The following HEMK2 variants were observed in gnomAD, a reference collection of about 807,000 sequenced individuals.
The protein encoded by HEMK2 is methyltransferase HEMK2.
At chr21:28,625,583 T>G in the HEMK2 span, among the ~76,000 whole-genome samples, 4 of 151,978 alleles carry the variant, frequency 2.6e-5, no homozygotes, top group African/African-American at 7.2e-5. Flanking sequence ...TGGTGGTGCA[T>G]GCCTGTAATC....
chr21:28,600,461 G>A, the HEMK2 span, among the ~76,000 whole-genome samples: 1 of 152,222 alleles, frequency 6.6e-6, no homozygotes, highest in Non-Finnish European at 1.5e-5. Context: ...TCCCTAGGCT[G>A]CACACAGCAG....
the HEMK2 span, among the ~76,000 whole-genome samples, chr21:28,646,618 G>A: frequency 6.6e-6 from 1 of 152,148 alleles, no homozygotes. Flanking sequence ...GGCCTTATTT[G>A]GTATTTTTCA....
the HEMK2 span, among the ~76,000 whole-genome samples, chr21:28,745,148 C>T: frequency 6.6e-6 from 1 of 152,112 alleles, no homozygotes; most frequent in African/African-American, 2.4e-5. Flanking sequence ...ATGACTGCTG[C>T]GAGTGGGAAG....
At chr21:28,717,393 T>C in the HEMK2 span, among the ~76,000 whole-genome samples, 3 of 152,150 alleles carry the variant, frequency 2.0e-5, no homozygotes, top group Non-Finnish European at 4.4e-5. Flanking sequence ...TCCTCTAGAT[T>C]TTCTAGTTTG....
chr21:28,734,953 A>T, the HEMK2 span, among the ~76,000 whole-genome samples: 111 of 152,230 alleles, frequency 7.3e-4, no homozygotes, highest in Non-Finnish European at 1.5e-3. Flanking sequence ...ACTCGGCTGA[A>T]CTCCCTCAGG....
At chr21:28,610,736 C>A in the HEMK2 span, among the ~76,000 whole-genome samples, 4 of 152,054 alleles carry the variant, frequency 2.6e-5, no homozygotes, top group African/African-American at 7.2e-5. Context: ...CAAAAGAGAG[C>A]AGAAGTAGCT....
chr21:28,840,151 T>C, the HEMK2 span, among the ~76,000 whole-genome samples: 1 of 152,250 alleles, frequency 6.6e-6, no homozygotes, highest in African/African-American at 2.4e-5. Flanking sequence ...GCTGGGATAA[T>C]TGCCTAGCCA....
the HEMK2 span, among the ~76,000 whole-genome samples, chr21:28,855,033 A>G: frequency 2.0e-5 from 3 of 152,220 alleles, no homozygotes; most frequent in African/African-American, 4.8e-5. Flanking sequence ...CTTGAATGTA[A>G]ATGGGCTAAA....
the HEMK2 span, among the ~76,000 whole-genome samples, chr21:28,683,357 T>G: frequency 6.6e-6 from 1 of 152,164 alleles, no homozygotes; most frequent in African/African-American, 2.4e-5. Flanking sequence ...CTTATCACTA[T>G]GGCTGGTAAC....
At chr21:28,631,902 C>A in the HEMK2 span, among the ~76,000 whole-genome samples, 2 of 152,074 alleles carry the variant, frequency 1.3e-5, no homozygotes, top group African/African-American at 2.4e-5. Context: ...GTATCACTCT[C>A]TTCACACTCA....
At chr21:28,721,707 T>C in the HEMK2 span, among the ~76,000 whole-genome samples, 1 of 152,162 alleles carries the variant, frequency 6.6e-6, no homozygotes, top group Admixed American at 6.5e-5. Context: ...CTAAGTACTT[T>C]ACATATATTA....
the HEMK2 span, among the ~76,000 whole-genome samples, chr21:28,798,017 C>G: frequency 6.6e-6 from 1 of 152,188 alleles, no homozygotes; most frequent in African/African-American, 2.4e-5. Context: ...AACTGGAACA[C>G]CATGCACCCT....
the HEMK2 span, among the ~76,000 whole-genome samples, chr21:28,769,553 G>A: frequency 6.6e-6 from 1 of 151,982 alleles, no homozygotes; most frequent in Non-Finnish European, 1.5e-5. Flanking sequence ...GTAAGGTTGT[G>A]GATTCTCTTG....
the HEMK2 span, among the ~76,000 whole-genome samples, chr21:28,836,919 G>C: frequency 1.3e-5 from 2 of 152,060 alleles, no homozygotes; most frequent in Non-Finnish European, 2.9e-5. Context: ...AAGAGACAAA[G>C]AGAAACATTA....
chr21:28,733,753 G>C, the HEMK2 span, among the ~76,000 whole-genome samples: 3 of 151,110 alleles, frequency 2.0e-5, no homozygotes, highest in Non-Finnish European at 4.4e-5. Flanking sequence ...AATAGTTTAA[G>C]TTCTAGGGTA....
chr21:28,656,785 A>AAT, the HEMK2 span, among the ~76,000 whole-genome samples: 1 of 152,122 alleles, frequency 6.6e-6, no homozygotes, highest in Admixed American at 6.6e-5. Flanking sequence ...AACCAAAGGC[A>AAT]ATATAGTACA....
chr21:28,697,402 T>C, the HEMK2 span, among the ~76,000 whole-genome samples: 1 of 152,156 alleles, frequency 6.6e-6, no homozygotes, highest in Non-Finnish European at 1.5e-5. Context: ...CTCATCTCCA[T>C]CTGAGATCAT....
the HEMK2 span, among the ~76,000 whole-genome samples, chr21:28,589,058 T>C: frequency 6.6e-6 from 1 of 151,162 alleles, no homozygotes; most frequent in Non-Finnish European, 1.5e-5. Flanking sequence ...AAAACACCAG[T>C]CTGAAAAGAT....
At chr21:28,883,514 A>C in the HEMK2 span, among the ~76,000 whole-genome samples, 1 of 152,204 alleles carries the variant, frequency 6.6e-6, no homozygotes, top group Non-Finnish European at 1.5e-5. Flanking sequence ...TAACATTCAT[A>C]GAGCCATCAG....
Sources: allele counts gnomAD v4.1 joint callset (sites outside exome capture counted in the v4.1 genomes callset), GRCh38; gene constraint gnomAD v4.1.1; transcripts MANE v1.5; gene names NCBI Gene and HGNC (gene_info 2026-07-23, HGNC 2026-07-21).